The following COL4A5 variants were observed in gnomAD, a reference collection of about 807,000 sequenced individuals.
COL4A5 encodes the protein collagen type IV alpha 5 chain, also known as collagen alpha-5(IV) chain.
COL4A5 carries 26 observed loss-of-function variants against 130.2 expected under a neutral mutation model. That is an observed-to-expected ratio of 0.20 (90% confidence interval 0.15 to 0.28). The LOEUF is 0.28. Among genes scored for constraint, COL4A5 ranks in the 10% least tolerant of loss-of-function variants. The pLI is 1.00. For missense variants in COL4A5, 1,131 were observed against 1,344.3 expected, an observed-to-expected ratio of 0.84 and a Z score of 2.48; for synonymous variants, 496 against 439.6, an observed-to-expected ratio of 1.13 and a Z score of -1.60.
intron 29 of COL4A5, among the ~76,000 whole-genome samples, chrX:108,611,436 G>A (rs949516129): frequency 9.0e-6 from 1 of 110,769 alleles, no homozygotes; most frequent in African/African-American, 3.3e-5. Context: ...GTATTATTGT[G>A]ACAAATATTG....
At chrX:108,629,603 C>T (rs1441831121) in intron 36 of COL4A5, among the ~76,000 whole-genome samples, 1 of 111,389 alleles carries the variant, frequency 9.0e-6, no homozygotes, top group African/African-American at 3.3e-5. Flanking sequence ...AATACAAAAA[C>T]TTTGAAAAAA....
At chrX:108,600,377 T>C (rs2066606606) in intron 25 of COL4A5, among the ~76,000 whole-genome samples, 1 of 108,976 alleles carries the variant, frequency 9.2e-6, no homozygotes, top group African/African-American at 3.5e-5. Flanking sequence ...TGGTTAGTGC[T>C]TTTTGTGTCA....
chrX:108,681,952 A>G, intron 47 of COL4A5, 64 bp downstream of exon 47: 1 of 1,056,828 alleles, frequency 9.5e-7, no homozygotes, highest in African/African-American at 1.8e-5. Context: ...ACATGTGCAG[A>G]ATGTACAGGT....
At chrX:108,648,180 G>GA in intron 36 of COL4A5, among the ~76,000 whole-genome samples, 1 of 110,645 alleles carries the variant, frequency 9.0e-6, no homozygotes, top group South Asian at 3.9e-4. Flanking sequence ...TTGTACCTCT[G>GA]AAAACCCTCC....
chrX:108,687,626 T>C lies in COL4A5; in HGVS notation c.4460T>C (p.Leu1487Pro). Residue 1487 changes from leucine (L) to proline (P), a missense_variant, in exon 49 of 53, where the codon CTT becomes CCT. Transcript: ENST00000328300. The part of the protein sequence containing the change: ...TDAPQCPQGT[L>P]QVYEGFSLLY... ...GCACCACAATGCCCACAGGGAACAC[T>C]TCAGGTCTATGAAGGCTTTTCTCTC... The C allele has an allele frequency of 8.3e-7, 1 of 1,211,429 alleles. No individual in the cohort carries two copies. Among genetic ancestry groups the C allele is most frequent in the South Asian group, 1.8e-5 (1 of 56,950 alleles).
chrX:108,630,914 A>G (rs2067244143), intron 36 of COL4A5, among the ~76,000 whole-genome samples: 1 of 112,026 alleles, frequency 8.9e-6, no homozygotes, highest in Non-Finnish European at 1.9e-5. Flanking sequence ...AATAGGAAAT[A>G]CTTTCTCCAT....
At chrX:108,537,190 C>T (rs542315954) in intron 1 of COL4A5, among the ~76,000 whole-genome samples, 6 of 110,621 alleles carry the variant, frequency 5.4e-5, no homozygotes, top group African/African-American at 2.0e-4. Context: ...TCCTTGTGGG[C>T]GCCACTGTTA....
chrX:108,504,456 A>G (rs184120695), intron 1 of COL4A5, among the ~76,000 whole-genome samples: 20 of 112,208 alleles, frequency 1.8e-4, no homozygotes, highest in Middle Eastern at 4.6e-3. Flanking sequence ...CAACCTACAG[A>G]ATGGGAGAAA....
intron 1 of COL4A5, among the ~76,000 whole-genome samples, chrX:108,478,398 A>G (rs988282718): frequency 9.0e-6 from 1 of 111,610 alleles, no homozygotes; most frequent in African/African-American, 3.3e-5. Context: ...GTGGATCACT[A>G]GGGGTGATGG....
At chrX:108,501,259 A>C (rs2065077195) in intron 1 of COL4A5, among the ~76,000 whole-genome samples, 1 of 111,377 alleles carries the variant, frequency 9.0e-6, no homozygotes, top group South Asian at 3.8e-4. Flanking sequence ...TGTTCCCATT[A>C]TTTCCTAATC....
intron 1 of COL4A5, among the ~76,000 whole-genome samples, chrX:108,450,251 G>T (rs999007269): frequency 2.7e-5 from 3 of 111,634 alleles, no homozygotes; most frequent in African/African-American, 9.8e-5. Context: ...GTTGATTTTT[G>T]CATGGAACGC....
chrX:108,568,735 C>T lies in COL4A5; in HGVS notation c.322-24C>T, dbSNP rs1458574165. ...GAAAAGTAATCTAAGACATATTATA[C>T]ATGTGTTATGTCGCTTTTCAAAGGG... is the stretch of plus-strand genomic sequence containing the variant. On this transcript the variant is annotated intron_variant, in intron 5 of 52. Transcript: ENST00000328300. 4 of 1,202,858 alleles carry T rather than the reference C, an allele frequency of 3.3e-6. No homozygotes were observed. The African/African-American group carries it at 7.0e-5, about 21-fold the overall frequency.
chrX:108,626,362 A>T lies in COL4A5; in HGVS notation c.3246+13A>T. ...TCCTGGTCCAAAGGTAATCTTTGGC[A>T]TATAGTTTTAGGCACATACTTGAGC... is the stretch of plus-strand genomic sequence containing the variant. On this transcript the variant is annotated intron_variant, in intron 36 of 52. Transcript: ENST00000328300. The T allele has an allele frequency of 8.3e-7, 1 of 1,210,142 alleles. No individual in the cohort carries two copies. Among genetic ancestry groups the T allele is most frequent in the Admixed American group, 2.2e-5 (1 of 45,949 alleles).
chrX:108,686,108 C>A lies in COL4A5; in HGVS notation c.4294C>A (p.Pro1432Thr). Residue 1432 changes from proline to threonine, a missense_variant, in exon 48 of 53, where the codon CCA becomes ACA. Physicochemically the swap from Pro to Thr is conservative, Grantham distance 38. Coordinates refer to ENST00000328300, the MANE Select transcript of COL4A5 (RefSeq NM_033380.3). ...TGGTGCAGGAGGGCGCAAAGGAGACCCAGGTCTGCCAGGACAGCCAGGTAA... is the reference window on the plus strand; with the variant it reads ...TGGTGCAGGAGGGCGCAAAGGAGACACAGGTCTGCCAGGACAGCCAGGTAA... ...FDGAGGRKGDPGLPGQPGTRG... is the reference protein window; with the variant it reads ...FDGAGGRKGDTGLPGQPGTRG... 1 of 1,208,785 alleles carries A rather than the reference C, an allele frequency of 8.3e-7. No homozygotes were observed. The highest frequency in any genetic ancestry group is 1.1e-6 in the Non-Finnish European group (1 of 893,674).
chrX:108,682,462 C>T (rs773838639), intron 47 of COL4A5, among the ~76,000 whole-genome samples: 20 of 111,817 alleles, frequency 1.8e-4, no homozygotes, highest in African/African-American at 5.5e-4. Flanking sequence ...CTTGAGGAAT[C>T]GCCACACTGT....
Position 108,687,539 on chromosome X carries a change from C to T in COL4A5, c.4373C>T (p.Pro1458Leu). 1.7e-6 allele frequency: 2 copies of T among 1,211,468 alleles called. No individual in the cohort carries two copies. Among genetic ancestry groups the T allele is most frequent in the Middle Eastern group, 2.3e-4 (1 of 4,353 alleles). ...GPDGLQGPPG[P>L]PGTSSVAHGF... is the part of the protein sequence containing the mutation. ...GATGGATTGCAAGGTCCCCCAGGTC[C>T]CCCTGGAACCTCCTCTGTTGCACAT... is the stretch of plus-strand genomic sequence containing the variant. The change falls in exon 49 of 53, where the codon CCC (proline) becomes CTC (leucine). Residue 1458 changes from proline to leucine, a missense_variant. By Grantham distance (98) the Pro-to-Leu change is moderately conservative. Transcript: ENST00000328300.
At chrX:108,475,038 C>T (rs2064818478) in intron 1 of COL4A5, among the ~76,000 whole-genome samples, 1 of 111,420 alleles carries the variant, frequency 9.0e-6, no homozygotes, top group Non-Finnish European at 1.9e-5. Flanking sequence ...TGTGACACCT[C>T]CTGCTTTGCT....
In COL4A5 at chrX:108,606,732, T is replaced by C; in HGVS notation, c.2245-10T>C. On this transcript the variant is annotated splice_polypyrimidine_tract_variant and intron_variant, in intron 28 of 52. Coordinates refer to ENST00000328300, the MANE Select transcript of COL4A5 (RefSeq NM_033380.3). ...AGTTTTTGTTGTGTTTTGTCATGTG[T>C]ATGCTCAAGGGTGAACCAGGATTTG... The C allele has an allele frequency of 8.3e-7, 1 of 1,211,481 alleles. No homozygotes were observed. The highest frequency in any genetic ancestry group is 1.1e-6 in the Non-Finnish European group (1 of 895,095).
intron 29 of COL4A5, among the ~76,000 whole-genome samples, chrX:108,607,941 A>G (rs1294109818): frequency 8.9e-6 from 1 of 111,801 alleles, no homozygotes; most frequent in Admixed American, 9.5e-5. Flanking sequence ...CTAGTGTTAA[A>G]TTGCGTGGAT....
Sources: allele counts gnomAD v4.1 joint callset (sites outside exome capture counted in the v4.1 genomes callset), GRCh38; gene constraint gnomAD v4.1.1; transcripts MANE v1.5; gene names NCBI Gene and HGNC (gene_info 2026-07-23, HGNC 2026-07-21).